Variants in LYN observed in about 807,000 individuals in gnomAD.
LYN encodes tyrosine-protein kinase Lyn.
A neutral mutation model predicts 65.0 loss-of-function variants in LYN; 12 were observed. That is an observed-to-expected ratio of 0.18 (90% confidence interval 0.12 to 0.30). The LOEUF (loss-of-function observed/expected upper bound fraction) is 0.30. LYN is among the 10% of genes least tolerant of loss of function. LYN has a pLI of 1.00. For synonymous variants in LYN, 222 were observed against 221.2 expected (o/e 1.00, Z -0.03); for missense variants, 380 against 623.2 (o/e 0.61, Z 4.16).
At chr8:55,983,749 C>A (rs1043145131) in intron 10 of LYN, among the ~76,000 whole-genome samples, 3 of 152,206 alleles carry the variant, frequency 2.0e-5, no homozygotes, top group African/African-American at 7.2e-5. Flanking sequence ...CCCTCACCAG[C>A]CAGCTTCTCA....
intron 1 of LYN, among the ~76,000 whole-genome samples, chr8:55,907,418 A>T (rs1191785108): frequency 1.3e-5 from 2 of 152,224 alleles, no homozygotes; most frequent in African/African-American, 2.4e-5. Context: ...ATGAGAGGGG[A>T]TGCCTTAGAA....
At position 55,900,561 on chromosome 8, in the gene LYN, G is replaced by A. The variant is rs530700936; in HGVS notation, c.-6+20458G>A. On this transcript the variant is annotated intron_variant, in intron 1 of 12. Transcript: ENST00000519728. ...CTAATTTTTTTTTTTTTTTTTTTTTGGTGGAGATAGGACCTTACTATGGTG... is the reference window on the plus strand; with the variant it reads ...CTAATTTTTTTTTTTTTTTTTTTTTAGTGGAGATAGGACCTTACTATGGTG... 8.7e-4 allele frequency among the ~76,000 whole-genome samples: 95 copies of A among 109,474 alleles called. 1 individual carries two copies. The highest frequency in any genetic ancestry group is 3.1e-3 in the African/African-American group (89 of 29,116). The allele number at this position is 109,474 out of a possible 152,430, so 71.8% of individuals were successfully genotyped here.
chr8:55,994,511 T>A lies in LYN; in HGVS notation c.1051-3835T>A, dbSNP rs558617538. 3.3e-5 allele frequency among the ~76,000 whole-genome samples: 5 copies of A among 152,310 alleles called. No individual in the cohort carries two copies. In the East Asian group the frequency reaches 9.6e-4, roughly 29 times the overall value. The stretch of plus-strand genomic sequence containing the variant: ...GATGTGGGTAGGTGTGACAAATGCC[T>A]TACTAACAAGTCCCTGGAGTGCTTT... On this transcript the variant is annotated intron_variant, in intron 10 of 12. Transcript: ENST00000519728.
At chr8:55,926,995 C>T (rs887049680) in intron 1 of LYN, among the ~76,000 whole-genome samples, 6 of 152,152 alleles carry the variant, frequency 3.9e-5, no homozygotes, top group Non-Finnish European at 8.8e-5. Flanking sequence ...CACTGACTTC[C>T]CACCCTCAAC....
intron 1 of LYN, among the ~76,000 whole-genome samples, chr8:55,890,727 A>T (rs1049474698): frequency 7.0e-6 from 1 of 143,850 alleles, no homozygotes; most frequent in Non-Finnish European, 1.5e-5. Context: ...GTACATTGGA[A>T]TTTTTTTTTT....
rs1203220814 is a variant in LYN, at chr8:55,941,869, A to G, written c.10A>G (p.Ile4Val). 3.2e-5 allele frequency: 51 copies of G among 1,613,114 alleles called. No homozygotes were observed. The highest frequency in any genetic ancestry group is 4.2e-5 in the Non-Finnish European group (50 of 1,179,582). ...TGTTTCAACAGGAAATATGGGATGT[A>G]TAAAATCAAAAGGGAAAGACAGCTT... MGCIKSKGKDSLSD... is the reference protein window; with the variant it reads MGCVKSKGKDSLSD... The change falls in exon 2 of 13, where the codon ATA (isoleucine) becomes GTA (valine). Residue 4 changes from isoleucine (I) to valine (V), a missense_variant. Coordinates refer to ENST00000519728, the MANE Select transcript of LYN (RefSeq NM_002350.4).
chr8:55,915,032 T>G (rs1207898299), intron 1 of LYN, among the ~76,000 whole-genome samples: 3 of 152,246 alleles, frequency 2.0e-5, no homozygotes, highest in Non-Finnish European at 4.4e-5. Flanking sequence ...TTAATTAGAT[T>G]AAAACGTTAC....
chr8:55,941,893 T>C lies in LYN; in HGVS notation c.34T>C (p.Leu12=), dbSNP rs750989927. The part of the protein sequence containing the change: ...GCIKSKGKDS[L]SDDGVDLKTQ... ...TATAAAATCAAAAGGGAAAGACAGC[T>C]TGAGTGACGATGGAGTAGATTTGAA... Residue 12 remains leucine, a synonymous_variant, in exon 2 of 13, where the codon TTG becomes CTG. Transcript: ENST00000519728. The C allele has an allele frequency of 6.2e-7, 1 of 1,613,100 alleles. No homozygotes were observed. The highest frequency in any genetic ancestry group is 1.1e-5 in the South Asian group (1 of 91,054).
chr8:55,965,681 A>G lies in LYN; in HGVS notation c.791-1034A>G, dbSNP rs966138951. Reference sequence around the variant, plus strand: ...TTTATATGTGTGTGTCTGTGTATCTATAAAATATGTCTGTATTTTAAAATG... The same window carrying G: ...TTTATATGTGTGTGTCTGTGTATCTGTAAAATATGTCTGTATTTTAAAATG... On this transcript the variant is annotated intron_variant, in intron 8 of 12. Coordinates refer to ENST00000519728, the MANE Select transcript of LYN (RefSeq NM_002350.4). Among the ~76,000 whole-genome samples, 9 of 152,312 alleles carry G rather than the reference A, an allele frequency of 5.9e-5. No individual in the cohort carries two copies. In the East Asian group the frequency reaches 9.6e-4, roughly 16 times the overall value.
intron 2 of LYN, among the ~76,000 whole-genome samples, chr8:55,944,141 A>G (rs998837730): frequency 6.6e-6 from 1 of 152,222 alleles, no homozygotes; most frequent in Non-Finnish European, 1.5e-5. Context: ...AAGTTATCAT[A>G]CATGATGTTT....
chr8:55,906,657 G>A (rs1040432651), intron 1 of LYN, among the ~76,000 whole-genome samples: 3 of 151,584 alleles, frequency 2.0e-5, no homozygotes, highest in Non-Finnish European at 4.4e-5. Context: ...ACGCCTGGCC[G>A]AGGTCAAGAA....
At chr8:55,913,987 G>T (rs1164268362) in intron 1 of LYN, among the ~76,000 whole-genome samples, 2 of 152,156 alleles carry the variant, frequency 1.3e-5, no homozygotes, top group Admixed American at 1.3e-4. Context: ...AGCTCTATCA[G>T]ATGAGCAATG....
intron 1 of LYN, among the ~76,000 whole-genome samples, chr8:55,901,949 C>T (rs1805276894): frequency 6.6e-6 from 1 of 152,152 alleles, no homozygotes; most frequent in South Asian, 2.1e-4. Context: ...GGGAAAGGAT[C>T]TGGTTGCAGA....
intron 10 of LYN, among the ~76,000 whole-genome samples, chr8:55,996,630 G>A (rs1296957559): frequency 1.3e-5 from 2 of 148,628 alleles, no homozygotes; most frequent in African/African-American, 5.0e-5. Flanking sequence ...TTCTTTCCTT[G>A]CTTGCTTTCT....
At chr8:55,986,205 G>A (rs1161324877) in intron 10 of LYN, among the ~76,000 whole-genome samples, 6 of 138,180 alleles carry the variant, frequency 4.3e-5, no homozygotes, top group Non-Finnish European at 9.5e-5. Flanking sequence ...AAAAAAAAAC[G>A]CTACCTTATG....
chr8:55,988,605 TA>T (rs1485737347), intron 10 of LYN, among the ~76,000 whole-genome samples: 1 of 152,120 alleles, frequency 6.6e-6, no homozygotes, highest in Non-Finnish European at 1.5e-5. Context: ...CTAAAACAGG[TA>T]AAGCACCAGG....
intron 10 of LYN, among the ~76,000 whole-genome samples, chr8:55,982,521 C>A (rs1265125360): frequency 6.6e-6 from 1 of 152,128 alleles, no homozygotes; most frequent in African/African-American, 2.4e-5. Flanking sequence ...CATTTCCAGA[C>A]CTTCTACCTC....
At chr8:55,909,020 C>T (rs1263081923) in intron 1 of LYN, among the ~76,000 whole-genome samples, 49,588 of 67,036 alleles carry the variant, frequency 0.74, 17,074 homozygotes, top group East Asian at 0.95. Context: ...TACACACACA[C>T]ACACACACAC....
At chr8:55,987,524 T>G (rs1213906756) in intron 10 of LYN, among the ~76,000 whole-genome samples, 1 of 151,862 alleles carries the variant, frequency 6.6e-6, no homozygotes, top group Admixed American at 6.6e-5. Flanking sequence ...GCTTCCTGGG[T>G]TCAAGCCTCA....
Sources: gnomAD v4.1 joint callset for allele counts (sites outside exome capture counted in the v4.1 genomes callset) on GRCh38, gnomAD v4.1.1 for gene constraint, MANE v1.5 for transcripts, NCBI Gene and HGNC (gene_info 2026-07-23, HGNC 2026-07-21) for gene names.